Variants in SAMTOR observed in about 807,000 individuals in gnomAD.
SAMTOR encodes the protein UPF0532 protein C7orf60.
At chr7:112,857,670 T>C in the SAMTOR span, among the ~76,000 whole-genome samples, 3,478 of 152,326 alleles carry the variant, frequency 0.023, 67 homozygotes, top group Admixed American at 0.042. Flanking sequence ...AAGAAGAATT[T>C]AGAAGAAAAG....
the SAMTOR span, among the ~76,000 whole-genome samples, chr7:112,853,262 G>A: frequency 0.011 from 1,622 of 151,330 alleles, 30 homozygotes; most frequent in African/African-American, 0.037. Flanking sequence ...TTTATTCAGC[G>A]GAAAAGAATT....
At chr7:112,921,059 C>G in the SAMTOR span, among the ~76,000 whole-genome samples, 1 of 152,132 alleles carries the variant, frequency 6.6e-6, no homozygotes, top group Non-Finnish European at 1.5e-5. Flanking sequence ...CCCCATCAAG[C>G]TACCAATGAC....
chr7:112,907,842 C>CTTATTTAT, the SAMTOR span, among the ~76,000 whole-genome samples: 13,041 of 146,304 alleles, frequency 0.089, 736 homozygotes, highest in African/African-American at 0.14. Context: ...TTCTTACTTA[C>CTTATTTAT]TTATTTATTT....
the SAMTOR span, among the ~76,000 whole-genome samples, chr7:112,921,151 C>G: frequency 6.6e-6 from 1 of 152,104 alleles, no homozygotes; most frequent in African/African-American, 2.4e-5. Flanking sequence ...CAACCCTAAG[C>G]CAAAAGAACA....
the SAMTOR span, chr7:112,895,508 C>G: frequency 7.9e-7 from 1 of 1,261,416 alleles, no homozygotes; most frequent in Non-Finnish European, 1.1e-6. Context: ...GTATGAACCA[C>G]TGCATTATTT....
the SAMTOR span, among the ~76,000 whole-genome samples, chr7:112,923,571 AG>A: frequency 2.0e-5 from 3 of 152,350 alleles, no homozygotes; most frequent in South Asian, 6.2e-4. Flanking sequence ...GTGGAGAAAT[AG>A]GAACACTTTT....
the SAMTOR span, among the ~76,000 whole-genome samples, chr7:112,830,868 A>G: frequency 0.011 from 1,641 of 151,182 alleles, 29 homozygotes; most frequent in African/African-American, 0.038. Context: ...ACTATGCTTG[A>G]TGCTTTAAAT....
the SAMTOR span, among the ~76,000 whole-genome samples, chr7:112,900,012 G>C: frequency 6.6e-6 from 1 of 151,968 alleles, no homozygotes; most frequent in Non-Finnish European, 1.5e-5. Flanking sequence ...CACTGGTAAA[G>C]GTACATACAT....
the SAMTOR span, among the ~76,000 whole-genome samples, chr7:112,838,260 T>C: frequency 6.6e-6 from 1 of 151,934 alleles, no homozygotes; most frequent in Non-Finnish European, 1.5e-5. Flanking sequence ...ACAGGGAATT[T>C]ACAAATGAGA....
chr7:112,847,063 C>T, the SAMTOR span, among the ~76,000 whole-genome samples: 1 of 152,140 alleles, frequency 6.6e-6, no homozygotes, highest in Non-Finnish European at 1.5e-5. Context: ...TCTATAAGAA[C>T]TACTTTCACA....
the SAMTOR span, among the ~76,000 whole-genome samples, chr7:112,877,566 C>G: frequency 6.6e-6 from 1 of 151,994 alleles, no homozygotes; most frequent in Non-Finnish European, 1.5e-5. Context: ...CTATGGTTTT[C>G]AAAACAAAAA....
the SAMTOR span, among the ~76,000 whole-genome samples, chr7:112,920,852 T>A: frequency 6.6e-6 from 1 of 151,898 alleles, no homozygotes; most frequent in African/African-American, 2.4e-5. Flanking sequence ...CACAATTGCT[T>A]CAAAGAGAAT....
At chr7:112,866,335 T>C in the SAMTOR span, among the ~76,000 whole-genome samples, 1 of 152,208 alleles carries the variant, frequency 6.6e-6, no homozygotes, top group African/African-American at 2.4e-5. Flanking sequence ...CCATATACAG[T>C]TGCTCAATAC....
chr7:112,834,515 T>C, the SAMTOR span, among the ~76,000 whole-genome samples: 1 of 152,178 alleles, frequency 6.6e-6, no homozygotes. Flanking sequence ...GGTCTGAAAA[T>C]GCTCAACAGA....
At chr7:112,859,807 C>A in the SAMTOR span, among the ~76,000 whole-genome samples, 1 of 151,902 alleles carries the variant, frequency 6.6e-6, no homozygotes, top group Non-Finnish European at 1.5e-5. Context: ...GCAAAGGAGT[C>A]AAAAAGTTAA....
the SAMTOR span, among the ~76,000 whole-genome samples, chr7:112,918,665 G>A: frequency 1.3e-5 from 2 of 152,144 alleles, no homozygotes; most frequent in African/African-American, 4.8e-5. Flanking sequence ...ATTGGATAAA[G>A]AGTCAAGACC....
At chr7:112,891,169 T>C in the SAMTOR span, among the ~76,000 whole-genome samples, 1 of 152,232 alleles carries the variant, frequency 6.6e-6, no homozygotes, top group Non-Finnish European at 1.5e-5. Flanking sequence ...AACTATATAA[T>C]TTCTTTAACT....
At chr7:112,869,530 AC>A in the SAMTOR span, among the ~76,000 whole-genome samples, 1 of 152,076 alleles carries the variant, frequency 6.6e-6, no homozygotes, top group African/African-American at 2.4e-5. Flanking sequence ...TATTCAACAT[AC>A]ACCAGTCATA....
chr7:112,933,734 C>T, the SAMTOR span, among the ~76,000 whole-genome samples: 1 of 152,154 alleles, frequency 6.6e-6, no homozygotes. Flanking sequence ...ATTAGAATCA[C>T]ATGAGGGACA....
Sources: allele counts gnomAD v4.1 joint callset (sites outside exome capture counted in the v4.1 genomes callset), GRCh38; gene constraint gnomAD v4.1.1; transcripts MANE v1.5; gene names NCBI Gene and HGNC (gene_info 2026-07-23, HGNC 2026-07-21).